KDM4C: variants seen among roughly 807,000 people sequenced by gnomAD.
KDM4C encodes the protein lysine-specific demethylase 4C.
In KDM4C, 81 loss-of-function variants were observed where a neutral mutation model predicts 129.3. The ratio of observed to expected loss-of-function variants is 0.63; its 90% CI spans 0.52 to 0.75. The LOEUF (loss-of-function observed/expected upper bound fraction) is 0.75, where lower values mean the gene tolerates loss of function less well. Ranked by LOEUF, KDM4C falls within the 30% of genes least tolerant of loss-of-function variation. KDM4C has a pLI of 0.00. For synonymous variants in KDM4C, 573 were observed against 456.1 expected (o/e 1.26, Z -3.26); for missense variants, 1,457 against 1,304.0 (o/e 1.12, Z -1.81).
intron 1 of KDM4C, among the ~76,000 whole-genome samples, chr9:6,746,264 T>A (rs1448524213): frequency 9.3e-3 from 217 of 23,242 alleles, no homozygotes; most frequent in African/African-American, 0.036. Flanking sequence ...ATATATATGT[T>A]TTTTTTTTTT....
intron 17 of KDM4C, among the ~76,000 whole-genome samples, chr9:7,093,060 A>G (rs1405474152): frequency 2.0e-5 from 3 of 152,174 alleles, no homozygotes; most frequent in Admixed American, 6.5e-5. Context: ...GGCTTGTCCA[A>G]TATCTGTTTG....
chr9:7,134,953 A>C (rs1841034366), intron 19 of KDM4C, among the ~76,000 whole-genome samples: 1 of 152,204 alleles, frequency 6.6e-6, no homozygotes, highest in South Asian at 2.1e-4. Context: ...TCTGAAGTCC[A>C]TGGAGGTGGT....
intron 2 of KDM4C, 68 bp downstream of exon 2, chr9:6,793,200 A>G: frequency 6.6e-7 from 1 of 1,517,820 alleles, no homozygotes; most frequent in Non-Finnish European, 9.0e-7. Flanking sequence ...CTTAGTTTTC[A>G]CGATTTGGGA....
At chr9:6,751,609 C>T (rs1818065560) in intron 1 of KDM4C, among the ~76,000 whole-genome samples, 1 of 152,110 alleles carries the variant, frequency 6.6e-6, no homozygotes, top group Non-Finnish European at 1.5e-5. Flanking sequence ...GACAAGGACC[C>T]AAACTATATT....
chr9:6,960,963 A>C (rs1829939212), intron 8 of KDM4C, among the ~76,000 whole-genome samples: 1 of 152,172 alleles, frequency 6.6e-6, no homozygotes, highest in South Asian at 2.1e-4. Flanking sequence ...GCATTGTGAA[A>C]CAGTAGACTA....
intron 8 of KDM4C, among the ~76,000 whole-genome samples, chr9:6,919,834 C>G (rs921012726): frequency 3.3e-5 from 5 of 152,152 alleles, no homozygotes; most frequent in Non-Finnish European, 7.4e-5. Context: ...CTTGGCCCCC[C>G]AAAGTGCTAG....
intron 8 of KDM4C, among the ~76,000 whole-genome samples, chr9:6,977,444 A>G (rs1393842780): frequency 6.6e-6 from 1 of 152,162 alleles, no homozygotes; most frequent in Non-Finnish European, 1.5e-5. Flanking sequence ...ATTCAAGTGG[A>G]TATTATTTCA....
intron 8 of KDM4C, among the ~76,000 whole-genome samples, chr9:6,949,675 C>G (rs2131490114): frequency 6.6e-6 from 1 of 152,086 alleles, no homozygotes; most frequent in East Asian, 1.9e-4. Context: ...CCCGTCTCCA[C>G]CAAAAAAAAT....
chr9:7,024,261 T>C (rs1466016515), intron 15 of KDM4C, among the ~76,000 whole-genome samples: 1 of 151,556 alleles, frequency 6.6e-6, no homozygotes, highest in East Asian at 1.9e-4. Context: ...TATTGGAGTC[T>C]ATCTCTCTTT....
At chr9:6,722,373 C>G (rs1480512974) in intron 1 of KDM4C, among the ~76,000 whole-genome samples, 1 of 152,078 alleles carries the variant, frequency 6.6e-6, no homozygotes, top group Non-Finnish European at 1.5e-5. Flanking sequence ...TGCTACCCAT[C>G]AGTGAATATT....
At chr9:6,756,780 C>G (rs1256451832), upstream of KDM4C, among the ~76,000 whole-genome samples, 1 of 152,164 alleles carries the variant, frequency 6.6e-6, no homozygotes, top group Non-Finnish European at 1.5e-5. Context: ...AATATGGTGA[C>G]CCAATAATCC....
chr9:6,903,899 T>G (rs1817831557), intron 8 of KDM4C, among the ~76,000 whole-genome samples: 1 of 152,200 alleles, frequency 6.6e-6, no homozygotes, highest in African/African-American at 2.4e-5. Context: ...TTATTCAAGA[T>G]CCTATAGATT....
At chr9:7,017,225 C>T (rs1041235954) in intron 15 of KDM4C, among the ~76,000 whole-genome samples, 1 of 152,204 alleles carries the variant, frequency 6.6e-6, no homozygotes, top group Non-Finnish European at 1.5e-5. Flanking sequence ...GTATCAGCCC[C>T]TGTGCCTGAC....
intron 4 of KDM4C, among the ~76,000 whole-genome samples, chr9:6,836,029 C>A (rs1393065072): frequency 1.3e-5 from 2 of 152,076 alleles, no homozygotes; most frequent in African/African-American, 2.4e-5. Flanking sequence ...GAATGATCAG[C>A]CTTCGTGGCC....
chr9:7,162,919 G>T (rs893891100), intron 19 of KDM4C, among the ~76,000 whole-genome samples: 4 of 152,232 alleles, frequency 2.6e-5, no homozygotes, highest in African/African-American at 9.6e-5. Flanking sequence ...AAGGAGTCAG[G>T]ATTTGGAGAT....
intron 17 of KDM4C, among the ~76,000 whole-genome samples, chr9:7,066,971 CAA>C (rs944843395): frequency 2.9e-4 from 44 of 152,076 alleles, no homozygotes; most frequent in African/African-American, 1.0e-3. Flanking sequence ...AACTTAAAAA[CAA>C]GAGGGAATCA....
At chr9:6,725,839 A>G (rs1817107761) in intron 1 of KDM4C, among the ~76,000 whole-genome samples, 1 of 150,100 alleles carries the variant, frequency 6.7e-6, no homozygotes. Context: ...CCTCCCAAGT[A>G]GCTGGGATTA....
Position 6,742,413 on chromosome 9 carries a change from A to G in KDM4C, c.49+21416A>G, listed in dbSNP as rs1332513563. Among the ~76,000 whole-genome samples the G allele has an allele frequency of 1.9e-4, 29 of 151,924 alleles. 1 individual carries two copies. The highest frequency in any genetic ancestry group is 1.9e-3 in the Admixed American group (29 of 15,224). On this transcript the variant is annotated intron_variant, in intron 1 of 17. Transcript: ENST00000536108. ...ATCTGTCTTTTTTATTCATTTATTT[A>G]TTTTATTATCAAGCAGCCCCCTGAA...
chr9:6,807,324 T>C lies in KDM4C; in HGVS notation c.320+1550T>C, dbSNP rs1452885305. Among the ~76,000 whole-genome samples, 158 of 137,696 alleles carry C rather than the reference T, an allele frequency of 1.1e-3. 1 individual carries two copies. Among genetic ancestry groups the C allele is most frequent in the Admixed American group, 7.7e-3 (109 of 14,086 alleles). The allele number at this position is 137,696 out of a possible 152,430, so 90.3% of individuals were successfully genotyped here. A position where few individuals can be genotyped will look rare whatever the true frequency, so the allele number is the denominator to read the frequency against. On this transcript the variant is annotated intron_variant, in intron 3 of 21. Coordinates refer to ENST00000381309, the MANE Select transcript of KDM4C (RefSeq NM_015061.6). ...GCCAACCCGTCTGGGAAGTGAGGAGTGTCTCTGCCTGGCCGCCCATCGTCT... is the reference window on the plus strand; with the variant it reads ...GCCAACCCGTCTGGGAAGTGAGGAGCGTCTCTGCCTGGCCGCCCATCGTCT...
Sources: gnomAD v4.1 joint callset for allele counts (sites outside exome capture counted in the v4.1 genomes callset) on GRCh38, gnomAD v4.1.1 for gene constraint, MANE v1.5 for transcripts, NCBI Gene and HGNC (gene_info 2026-07-23, HGNC 2026-07-21) for gene names.